The following OSMR variants were observed in gnomAD, a reference collection of about 807,000 sequenced individuals.
The protein encoded by OSMR is oncostatin M receptor.
OSMR carries 81 observed loss-of-function variants against 99.9 expected under a neutral mutation model. That is an observed-to-expected ratio of 0.81 (90% confidence interval 0.68 to 0.97). The LOEUF is 0.97. OSMR is among the 50% of genes least tolerant of loss of function. The pLI is 0.00. For missense variants in OSMR, 1,099 were observed against 1,153.4 expected, an observed-to-expected ratio of 0.95 and a Z score of 0.68; for synonymous variants, 406 against 410.4, an observed-to-expected ratio of 0.99 and a Z score of 0.13.
rs573053017 is a variant in OSMR, at chr5:38,943,166, T to A, written c.75-1035T>A. On this transcript the variant is annotated intron_variant and NMD_transcript_variant, in intron 1 of 2. Coordinates refer to the OSMR transcript ENST00000508882. ...AGACATTCTGAGTTTGGGTTTTTTT[T>A]TAAAAAAAATGATTATCAAAACCTG... 262 of 426,980 alleles carry A rather than the reference T, an allele frequency of 6.1e-4. 2 individuals are homozygous for A. Among genetic ancestry groups the A allele is most frequent in the Middle Eastern group, 4.3e-3 (7 of 1,616 alleles). The allele number at this position is 426,980 out of a possible 1,614,324, so 26.4% of individuals were successfully genotyped here.
intron 1 of OSMR, among the ~76,000 whole-genome samples, chr5:38,848,269 G>GA (rs1017733371): frequency 5.3e-5 from 8 of 151,984 alleles, no homozygotes; most frequent in Non-Finnish European, 7.4e-5. Flanking sequence ...AAAATGGGGG[G>GA]AAAAAAACCC....
chr5:38,939,168 G>A (rs1047773400), downstream of OSMR: 1 of 232,772 alleles, frequency 4.3e-6, no homozygotes, highest in Admixed American at 5.6e-5. Flanking sequence ...CCTCTGAATG[G>A]AATAACATTT....
At chr5:38,916,659 T>C (rs932422597) in intron 9 of OSMR, among the ~76,000 whole-genome samples, 9 of 152,216 alleles carry the variant, frequency 5.9e-5, no homozygotes, top group African/African-American at 2.2e-4. Context: ...CCTTTCCTTA[T>C]GATAAGTTGA....
chr5:38,871,550 A>G (rs1446160023), intron 2 of OSMR, among the ~76,000 whole-genome samples: 1 of 152,224 alleles, frequency 6.6e-6, no homozygotes, highest in Admixed American at 6.5e-5. Context: ...ATTTATTCCA[A>G]ATAACCTGGC....
In OSMR at chr5:38,885,348, G is replaced by A. The variant is rs1243568773; in HGVS notation, c.704-1G>A. 1 of 1,613,792 alleles carries A rather than the reference G, an allele frequency of 6.2e-7. No individual in the cohort carries two copies. The highest frequency in any genetic ancestry group is 1.1e-5 in the South Asian group (1 of 91,062). ...AGGTCTGTTTTCCTTTGTATGGACA[G>A]AAGTACTTGAGGAGCCCAAGGACTT... is the stretch of plus-strand genomic sequence containing the variant. On this transcript the variant is annotated splice_acceptor_variant, in intron 5 of 17. Transcript: ENST00000274276. LOFTEE classifies it high-confidence loss of function.
At chr5:38,926,086 G>A (rs1746461637) in intron 15 of OSMR, among the ~76,000 whole-genome samples, 2 of 152,232 alleles carry the variant, frequency 1.3e-5, no homozygotes, top group Admixed American at 1.3e-4. Flanking sequence ...AAACAGGAAT[G>A]TGGTGAGAGA....
intron 7 of OSMR, 89 bp from the exon 8 acceptor site, chr5:38,903,793 C>G: frequency 6.5e-7 from 1 of 1,534,310 alleles, no homozygotes. Context: ...ACTTGTTGAA[C>G]AAATAAATGA....
At chr5:38,883,637 T>C in intron 4 of OSMR, 190 bp from the exon 5 acceptor site, 2 of 906,146 alleles carry the variant, frequency 2.2e-6, no homozygotes, top group South Asian at 5.1e-5. Flanking sequence ...AGTGTAACAA[T>C]AGGAGCAGTG....
chr5:38,852,133 C>G (rs1283713229), intron 1 of OSMR, among the ~76,000 whole-genome samples: 1 of 152,188 alleles, frequency 6.6e-6, no homozygotes, highest in Admixed American at 6.5e-5. Context: ...CTAGTTCATT[C>G]TTTTTAACAG....
intron 3 of OSMR, among the ~76,000 whole-genome samples, chr5:38,877,273 C>T (rs2112322650): frequency 6.6e-6 from 1 of 152,300 alleles, no homozygotes; most frequent in Non-Finnish European, 1.5e-5. Context: ...GCTTTGGGTA[C>T]ACACATACAG....
At chr5:38,904,954 T>C (rs1745134193) in intron 9 of OSMR, among the ~76,000 whole-genome samples, 1 of 152,206 alleles carries the variant, frequency 6.6e-6, no homozygotes, top group African/African-American at 2.4e-5. Context: ...GATGCCACAC[T>C]GTGTGCCCTC....
chr5:38,861,647 C>A (rs957942810), intron 1 of OSMR, among the ~76,000 whole-genome samples: 3 of 152,192 alleles, frequency 2.0e-5, no homozygotes, highest in African/African-American at 7.2e-5. Flanking sequence ...ACCTCCCAGA[C>A]GGGGTGGTGG....
In OSMR at chr5:38,924,490, G is replaced by T; in HGVS notation, c.1939G>T (p.Asp647Tyr). 6.2e-7 allele frequency: 1 copy of T among 1,614,058 alleles called. No homozygotes were observed. Among genetic ancestry groups the T allele is most frequent in the East Asian group, 2.2e-5 (1 of 44,884 alleles). Reference protein sequence around the residue: ...TSHSFTLSWKDYSTESQPGFI... With the variant: ...TSHSFTLSWKYYSTESQPGFI... ...CCACTCCTTCACTCTGAGTTGGAAA[G>T]ATTACTCTACTGAATCTCAACCTGG... The change falls in exon 14 of 18, where the codon GAT (aspartate) becomes TAT (tyrosine). Residue 647 changes from aspartate (D) to tyrosine (Y), a missense_variant. By Grantham distance (160) the Asp-to-Tyr change is radical (BLOSUM62 -3). Coordinates refer to ENST00000274276, the MANE Select transcript of OSMR (RefSeq NM_003999.3).
At chr5:38,932,557 G>C in intron 17 of OSMR, 22 bp downstream of exon 17, 1 of 1,598,602 alleles carries the variant, frequency 6.3e-7, no homozygotes, top group Non-Finnish European at 8.6e-7. Context: ...CAAATTGTAT[G>C]TATACCATAT....
At chr5:38,943,105 A>G in intron 1 of OSMR, 1 of 533,190 alleles carries the variant, frequency 1.9e-6, no homozygotes, top group Non-Finnish European at 3.3e-6. Context: ...TGATGACTTG[A>G]GAATATAAAA....
chr5:38,881,443 TG>T, intron 3 of OSMR, 149 bp from the exon 4 acceptor site: 2 of 1,537,726 alleles, frequency 1.3e-6, no homozygotes, highest in Admixed American at 3.9e-5. Context: ...CATCAGAACA[TG>T]GGGAATTGAC....
At chr5:38,898,280 G>C (rs1744653254) in intron 7 of OSMR, among the ~76,000 whole-genome samples, 1 of 152,150 alleles carries the variant, frequency 6.6e-6, no homozygotes, top group Non-Finnish European at 1.5e-5. Context: ...GGCTGCTCCA[G>C]TGTTGATTGT....
At chr5:38,944,785 C>T (rs1747992410) in intron 2 of OSMR, 1 of 973,286 alleles carries the variant, frequency 1.0e-6, no homozygotes, top group Non-Finnish European at 1.6e-6. Flanking sequence ...TGTTAAATTG[C>T]TTCACTAAAA....
At chr5:38,862,358 T>A (rs1440664069) in intron 1 of OSMR, among the ~76,000 whole-genome samples, 3 of 87,150 alleles carry the variant, frequency 3.4e-5, no homozygotes, top group Non-Finnish European at 2.3e-5. Context: ...CACTTCCCAG[T>A]AGGGGCGGCC....
Sources: allele counts gnomAD v4.1 joint callset (sites outside exome capture counted in the v4.1 genomes callset), GRCh38; gene constraint gnomAD v4.1.1; transcripts MANE v1.5; gene names NCBI Gene and HGNC (gene_info 2026-07-23, HGNC 2026-07-21).